Variants in IGF2BP3 observed in about 807,000 individuals in gnomAD.
The protein encoded by IGF2BP3 is insulin-like growth factor 2 mRNA-binding protein 3.
IGF2BP3 carries 9 observed loss-of-function variants against 73.8 expected under a neutral mutation model. The observed-to-expected ratio is 0.12, with a 90% CI of 0.07 to 0.21. The LOEUF (loss-of-function observed/expected upper bound fraction) is 0.21, where lower values mean the gene tolerates loss of function less well. Ranked by LOEUF, IGF2BP3 falls within the 10% of genes least tolerant of loss-of-function variation. The pLI, the probability that IGF2BP3 is intolerant of heterozygous loss-of-function variation, is 1.00. For synonymous variants in IGF2BP3, 258 were observed against 256.7 expected (o/e 1.01, Z -0.05); for missense variants, 542 against 714.0 (o/e 0.76, Z 2.75).
At chr7:23,449,407 C>T (rs1209298976) in intron 2 of IGF2BP3, among the ~76,000 whole-genome samples, 10 of 151,878 alleles carry the variant, frequency 6.6e-5, no homozygotes, top group Non-Finnish European at 1.5e-4. Flanking sequence ...GTTCCAGCTA[C>T]TCGGAAGGCT....
chr7:23,405,171 C>A (rs2128527721), intron 3 of IGF2BP3: 1 of 152,254 alleles, frequency 6.6e-6, no homozygotes, highest in South Asian at 2.1e-4. Flanking sequence ...ATGAAAAATT[C>A]AAATTCACCT....
intron 2 of IGF2BP3, among the ~76,000 whole-genome samples, chr7:23,465,726 C>T (rs1788552089): frequency 1.3e-5 from 2 of 152,170 alleles, no homozygotes; most frequent in South Asian, 4.1e-4. Context: ...CCTCAGATGC[C>T]CACATGATGA....
chr7:23,455,602 T>C (rs948840789), intron 2 of IGF2BP3, among the ~76,000 whole-genome samples: 1 of 152,168 alleles, frequency 6.6e-6, no homozygotes, highest in African/African-American at 2.4e-5. Context: ...CCATTACTGT[T>C]GAAAAATAAA....
intron 12 of IGF2BP3, among the ~76,000 whole-genome samples, chr7:23,316,727 A>C (rs1303618645): frequency 2.0e-5 from 3 of 151,778 alleles, no homozygotes; most frequent in Non-Finnish European, 4.4e-5. Flanking sequence ...AAGGTTAAAT[A>C]GTTGTCTTCT....
At chr7:23,315,767 G>C (rs542971759) in intron 12 of IGF2BP3, among the ~76,000 whole-genome samples, 1 of 152,188 alleles carries the variant, frequency 6.6e-6, no homozygotes, top group Non-Finnish European at 1.5e-5. Context: ...TCTTGAATTT[G>C]TAAGGAAAAA....
intron 2 of IGF2BP3, among the ~76,000 whole-genome samples, chr7:23,434,585 A>T (rs1036499675): frequency 3.1e-4 from 47 of 152,238 alleles, no homozygotes; most frequent in African/African-American, 1.1e-3. Context: ...CAAAAGGTTG[A>T]CAAGTTTGAT....
intron 2 of IGF2BP3, 85 bp downstream of exon 2, chr7:23,468,397 C>T (rs1788619691): frequency 7.2e-6 from 10 of 1,387,512 alleles, no homozygotes; most frequent in African/African-American, 1.4e-5. Flanking sequence ...GGGTAAGCAC[C>T]AGAGGACAAG....
chr7:23,352,053 T>C (rs1784976544), intron 5 of IGF2BP3, among the ~76,000 whole-genome samples: 1 of 152,108 alleles, frequency 6.6e-6, no homozygotes, highest in Admixed American at 6.6e-5. Flanking sequence ...TATGAAGTAT[T>C]TAAAACCATT....
chr7:23,350,948 C>T (rs944447773), intron 6 of IGF2BP3, among the ~76,000 whole-genome samples: 3 of 152,060 alleles, frequency 2.0e-5, no homozygotes, highest in East Asian at 3.8e-4. Flanking sequence ...ATGGATTGGA[C>T]CCAGAAAATT....
At chr7:23,326,304 A>G (rs546605993) in intron 10 of IGF2BP3, among the ~76,000 whole-genome samples, 2 of 152,238 alleles carry the variant, frequency 1.3e-5, no homozygotes, top group African/African-American at 2.4e-5. Flanking sequence ...CAGCCAAAAC[A>G]CACATGAAAA....
At chr7:23,453,415 C>T (rs930346007) in intron 2 of IGF2BP3, among the ~76,000 whole-genome samples, 11 of 152,172 alleles carry the variant, frequency 7.2e-5, no homozygotes, top group South Asian at 2.1e-4. Flanking sequence ...ATTATCTGTA[C>T]GATACTGTTA....
intron 5 of IGF2BP3, among the ~76,000 whole-genome samples, chr7:23,352,442 T>C (rs1784989119): frequency 6.6e-6 from 1 of 151,978 alleles, no homozygotes; most frequent in African/African-American, 2.4e-5. Context: ...GCATGCACCA[T>C]CATGCTTGGC....
intron 3 of IGF2BP3, among the ~76,000 whole-genome samples, chr7:23,386,941 C>T (rs73281637): frequency 0.051 from 7,760 of 151,782 alleles, 684 homozygotes; most frequent in African/African-American, 0.18. Flanking sequence ...GTGGCAAGTA[C>T]CTGTAATCCC....
In IGF2BP3 at chr7:23,355,142, A is replaced by C. The variant is rs555290584; in HGVS notation, c.402-3556T>G. 3.9e-5 allele frequency among the ~76,000 whole-genome samples: 6 copies of C among 152,296 alleles called. No individual in the cohort carries two copies. The East Asian group carries it at 9.6e-4, about 24-fold the overall frequency. The stretch of plus-strand genomic sequence containing the variant: ...AACGACTGTCATAATTATTTGACAC[A>C]TATGTATTCAGTTAAACAGAACTTA... On this transcript the variant is annotated intron_variant, in intron 5 of 14. Transcript: ENST00000258729.
At chr7:23,452,411 T>C (rs578207470) in intron 2 of IGF2BP3, among the ~76,000 whole-genome samples, 55 of 152,340 alleles carry the variant, frequency 3.6e-4, no homozygotes, top group South Asian at 8.3e-4. Context: ...GTCTTTGTAA[T>C]AGAATACTAC....
intron 10 of IGF2BP3, among the ~76,000 whole-genome samples, chr7:23,333,604 A>T (rs1420270695): frequency 6.6e-6 from 1 of 152,266 alleles, no homozygotes; most frequent in Non-Finnish European, 1.5e-5. Context: ...ATAAGGGTCA[A>T]AAGGACCAAA....
At chr7:23,401,775 T>G (rs967891744) in intron 3 of IGF2BP3, among the ~76,000 whole-genome samples, 1 of 138,010 alleles carries the variant, frequency 7.2e-6, no homozygotes, top group Non-Finnish European at 1.6e-5. Context: ...AAAAAAAAAG[T>G]CACTGCTGCC....
rs188532081 is a variant in IGF2BP3 at position 23,432,615 on chromosome 7, A to G, written c.237-13791T>C. 5.3e-5 allele frequency among the ~76,000 whole-genome samples: 8 copies of G among 152,212 alleles called. No homozygotes were observed. The East Asian group carries it at 1.3e-3, about 26-fold the overall frequency. ...TAGTCTTCATACTGAGATTTTAACT[A>G]AGTAAATGTGCTTCATTTTTTAATT... On this transcript the variant is annotated intron_variant, in intron 2 of 14. Transcript: ENST00000258729.
chr7:23,311,989 G>A lies in IGF2BP3; in HGVS notation c.*373C>T, dbSNP rs931529436. The A allele has an allele frequency of 2.4e-4, 43 of 179,024 alleles. 1 individual carries two copies. The highest frequency in any genetic ancestry group is 4.7e-5 in the Non-Finnish European group (4 of 85,838). 11.1% of individuals were successfully genotyped at this position (179,024 alleles called of 1,614,324 possible). A position where few individuals can be genotyped will look rare whatever the true frequency, so the allele number is the denominator to read the frequency against. Reference sequence around the variant, plus strand: ...AATTGGATTTAGGAGCAATCTATTTGATGAATTTAGTGAAAGCATCATTAA... The same window carrying A: ...AATTGGATTTAGGAGCAATCTATTTAATGAATTTAGTGAAAGCATCATTAA... On this transcript the variant is annotated 3_prime_UTR_variant, in exon 15 of 15. Transcript: ENST00000258729.
Sources: allele counts gnomAD v4.1 joint callset (sites outside exome capture counted in the v4.1 genomes callset), GRCh38; gene constraint gnomAD v4.1.1; transcripts MANE v1.5; gene names NCBI Gene and HGNC (gene_info 2026-07-23, HGNC 2026-07-21).